Variants in NBPF9 observed in about 807,000 individuals in gnomAD.
NBPF9 encodes the protein NBPF member 9, also known as NBPF family member NBPF9.
Under a neutral mutation model 97.8 loss-of-function variants are expected in NBPF9, and 91 were observed. The observed-to-expected ratio is 0.93, with a 90% confidence interval of 0.79 to 1.11. The LOEUF is 1.11. NBPF9 is among the 50% of genes least tolerant of loss of function. The pLI is 0.00. For synonymous variants in NBPF9, 334 were observed against 359.5 expected (o/e 0.93, Z 0.80); for missense variants, 992 against 939.5 (o/e 1.06, Z -0.73).
intron 5 of NBPF9, chr1:149,090,457 A>G (rs1277939500): frequency 7.7e-6 from 2 of 260,942 alleles, no homozygotes; most frequent in Non-Finnish European, 1.5e-5. Flanking sequence ...GGGACAGACA[A>G]TAAATTTGCA....
chr1:149,062,380 A>G (rs75334453), intron 21 of NBPF9, 115 bp from the exon 22 acceptor site: 12,711 of 606,518 alleles, frequency 0.021, 1,873 homozygotes, highest in Non-Finnish European at 0.029. Context: ...GGACAGATCC[A>G]TTAATGAGGT....
At chr1:149,085,867 T>C (rs1481507721) in intron 5 of NBPF9, among the ~76,000 whole-genome samples, 1 of 151,866 alleles carries the variant, frequency 6.6e-6, no homozygotes, top group East Asian at 1.9e-4. Flanking sequence ...ACAACCAAGA[T>C]AGAGGAAATT....
At chr1:149,086,248 CGACT>C (rs1236956909) in intron 5 of NBPF9, among the ~76,000 whole-genome samples, 2 of 149,966 alleles carry the variant, frequency 1.3e-5, no homozygotes, top group East Asian at 1.9e-4. Context: ...GTTTCAGTAC[CGACT>C]GAGTGGTTCA....
exon 22 of NBPF9, chr1:149,062,205 T>C (rs1553650207): frequency 3.8e-6 from 4 of 1,045,576 alleles, no homozygotes; most frequent in Non-Finnish European, 4.5e-6. Context: ...TCGAATACCA[T>C]CTACCCAGTG....
chr1:149,062,344 C>T, intron 21 of NBPF9, 79 bp from the exon 22 acceptor site: 1 of 616,226 alleles, frequency 1.6e-6, no homozygotes, highest in Non-Finnish European at 2.9e-6. Flanking sequence ...TCATGGCTAA[C>T]ATAAGGAACT....
At position 149,098,395 on chromosome 1, in the gene NBPF9, ACT is replaced by A. The variant is rs1375697209; in HGVS notation, c.-337+41_-337+42del. ...ACATCTGAGTCATAATAGAAAAAGG[ACT>A]CTCTGACTCCATCGAGCTGGCAATG... On this transcript the variant is annotated intron_variant, in intron 4 of 29. Coordinates refer to ENST00000584027, the Ensembl canonical transcript of NBPF9. 1.2e-4 allele frequency: 142 copies of A among 1,192,666 alleles called. No individual in the cohort carries two copies. The African/African-American group carries it at 2.2e-3, about 19-fold the overall frequency. 73.9% of individuals were successfully genotyped at this position (1,192,666 alleles called of 1,614,324 possible).
Position 149,077,926 on chromosome 1 carries a change from G to A in NBPF9, c.523C>T (p.Gln175Ter), listed in dbSNP as rs1245696516. The A allele has an allele frequency of 6.6e-6, 10 of 1,523,956 alleles. No individual in the cohort carries two copies. The highest frequency in any genetic ancestry group is 9.1e-6 in the Non-Finnish European group (10 of 1,102,510). The allele number at this position is 1,523,956 out of a possible 1,614,324, so 94.4% of individuals were successfully genotyped here. The change falls in exon 10 of 30, where the codon CAA (glutamine) becomes TAA (stop). Residue 175 changes from glutamine (Q) to a stop codon, truncating the protein, a stop_gained. Coordinates refer to ENST00000584027, the Ensembl canonical transcript of NBPF9. LOFTEE classifies it high-confidence loss of function. Reference sequence around the variant, plus strand: ...AGTACTTTCTCATCCTCCTCAACTTGAACATCTTCATCCTCATCTTCGTCA... The same window carrying A: ...AGTACTTTCTCATCCTCCTCAACTTAAACATCTTCATCCTCATCTTCGTCA...
At chr1:149,070,889 C>T (rs782477194) in intron 16 of NBPF9, 45 bp downstream of exon 16, 2 of 1,538,900 alleles carry the variant, frequency 1.3e-6, no homozygotes, top group South Asian at 2.2e-5. Flanking sequence ...GTTTATCTTC[C>T]TCAGCCTAGA....
chr1:149,055,365 C>G, exon 30 of NBPF9: 1 of 601,024 alleles, frequency 1.7e-6, no homozygotes, highest in Non-Finnish European at 2.8e-6. Context: ...AATGAAATCC[C>G]TGAGGAATTT....
rs1240100656 is a variant in NBPF9, at chr1:149,085,306, C to A, written c.-194-2876G>T. The stretch of plus-strand genomic sequence containing the variant: ...TGGGCATATTGTTTGAGTCTGTATT[C>A]TTTCACTTTGATATATTTATGAATA... On this transcript the variant is annotated intron_variant, in intron 5 of 29. Coordinates refer to ENST00000584027, the Ensembl canonical transcript of NBPF9. 2.0e-5 allele frequency among the ~76,000 whole-genome samples: 3 copies of A among 152,034 alleles called. No homozygotes were observed. In the East Asian group the frequency reaches 5.8e-4, roughly 29 times the overall value.
At chr1:149,070,681 T>C (rs2079333295) in intron 16 of NBPF9, among the ~76,000 whole-genome samples, 1 of 151,972 alleles carries the variant, frequency 6.6e-6, no homozygotes, top group South Asian at 2.1e-4. Flanking sequence ...GCCTGACAGA[T>C]ACTGCCTGTG....
At chr1:149,087,155 C>A in intron 5 of NBPF9, among the ~76,000 whole-genome samples, 1 of 151,940 alleles carries the variant, frequency 6.6e-6, no homozygotes, top group Middle Eastern at 3.4e-3. Context: ...TGCTAATTGA[C>A]CATTCATGTG....
At chr1:149,062,298 A>G (rs2078666095) in intron 21 of NBPF9, 33 bp from the exon 22 acceptor site, 6 of 630,488 alleles carry the variant, frequency 9.5e-6, no homozygotes, top group Non-Finnish European at 1.7e-5. Context: ...AGAATAAGCC[A>G]GGGGGAATCA....
chr1:149,081,085 G>T (rs1293433031), intron 7 of NBPF9, among the ~76,000 whole-genome samples: 4 of 151,790 alleles, frequency 2.6e-5, no homozygotes, highest in Admixed American at 2.6e-4. Context: ...TCTCACCAAG[G>T]TACTCTCTTT....
At chr1:149,073,145 T>C (rs1422051645) in intron 13 of NBPF9, among the ~76,000 whole-genome samples, 1 of 149,066 alleles carries the variant, frequency 6.7e-6, no homozygotes, top group Admixed American at 6.7e-5. Flanking sequence ...AGATCCTCGA[T>C]GATGTTCCAT....
At chr1:149,099,749 C>A (rs1441643742) in intron 3 of NBPF9, among the ~76,000 whole-genome samples, 6 of 151,840 alleles carry the variant, frequency 4.0e-5, no homozygotes, top group Non-Finnish European at 8.8e-5. Flanking sequence ...CTTTGAGATG[C>A]CAAGGTGGGA....
At chr1:149,072,607 A>G in intron 14 of NBPF9, 111 bp downstream of exon 14, 2 of 1,448,420 alleles carry the variant, frequency 1.4e-6, no homozygotes, top group Non-Finnish European at 1.9e-6. Flanking sequence ...TGGCCACATA[A>G]GCTTAGTGGA....
At chr1:149,065,046 A>C in intron 18 of NBPF9, 2 of 573,724 alleles carry the variant, frequency 3.5e-6, no homozygotes, top group Non-Finnish European at 6.2e-6. Flanking sequence ...AGACACAGAA[A>C]ATGGGAATAA....
At chr1:149,081,232 G>A (rs1289482716) in intron 7 of NBPF9, among the ~76,000 whole-genome samples, 6 of 151,882 alleles carry the variant, frequency 4.0e-5, no homozygotes, top group Non-Finnish European at 7.4e-5. Flanking sequence ...GGATTCTTCT[G>A]CCTCAGCCTC....
Sources: gnomAD v4.1 joint callset for allele counts (sites outside exome capture counted in the v4.1 genomes callset) on GRCh38, gnomAD v4.1.1 for gene constraint, MANE v1.5 for transcripts, NCBI Gene and HGNC (gene_info 2026-07-23, HGNC 2026-07-21) for gene names.